Variants in ZMAT1 observed in about 807,000 individuals in gnomAD.
The protein encoded by ZMAT1 is zinc finger matrin-type protein 1.
In ZMAT1, 11 loss-of-function variants were observed where a neutral mutation model predicts 18.5. That is an observed-to-expected ratio of 0.59 (90% CI 0.37 to 0.98). The LOEUF (loss-of-function observed/expected upper bound fraction) is 0.98. Ranked by LOEUF, ZMAT1 falls within the 50% of genes least tolerant of loss-of-function variation. ZMAT1 has a pLI of 0.01. For synonymous variants in ZMAT1, 211 were observed against 176.4 expected (o/e 1.20, Z -1.55); for missense variants, 525 against 496.2 (o/e 1.06, Z -0.55).
intron 1 of ZMAT1, among the ~76,000 whole-genome samples, chrX:101,922,485 C>T (rs1050173981): frequency 1.4e-4 from 15 of 109,327 alleles, no homozygotes; most frequent in African/African-American, 4.3e-4. Context: ...CCTCTGCCTC[C>T]GGGGTTCAAG....
chrX:101,916,700 G>C (rs763157568), intron 1 of ZMAT1, among the ~76,000 whole-genome samples: 2 of 111,537 alleles, frequency 1.8e-5, no homozygotes, highest in South Asian at 7.5e-4. Context: ...AATTTATATG[G>C]AACTACAGAA....
chrX:101,892,250 T>C (rs1927470502), intron 4 of ZMAT1, among the ~76,000 whole-genome samples: 1 of 111,285 alleles, frequency 9.0e-6, no homozygotes, highest in African/African-American at 3.3e-5. Context: ...CATCACTCAG[T>C]AGGCTTTATG....
intron 1 of ZMAT1, among the ~76,000 whole-genome samples, chrX:101,928,856 A>AT (rs201277208): frequency 8.0e-4 from 88 of 109,390 alleles, no homozygotes; most frequent in Admixed American, 3.2e-3. Flanking sequence ...TAAATAAGCA[A>AT]TTTTTTTTTT....
At chrX:101,896,299 C>T (rs1476417091) in intron 4 of ZMAT1, among the ~76,000 whole-genome samples, 1 of 111,889 alleles carries the variant, frequency 8.9e-6, no homozygotes, top group Admixed American at 9.5e-5. Flanking sequence ...AAAATCTATG[C>T]AGTTGTTTAA....
intron 1 of ZMAT1, among the ~76,000 whole-genome samples, chrX:101,909,617 GT>G (rs1255069989): frequency 8.9e-6 from 1 of 112,314 alleles, no homozygotes; most frequent in African/African-American, 3.2e-5. Flanking sequence ...GGGAACACCA[GT>G]GGTAATCTGG....
At chrX:101,900,253 T>G (rs1270179540) in intron 2 of ZMAT1, among the ~76,000 whole-genome samples, 1 of 104,086 alleles carries the variant, frequency 9.6e-6, no homozygotes, top group Non-Finnish European at 2.0e-5. Flanking sequence ...CTGTAGGTTG[T>G]CTGTTTGCTC....
At chrX:101,924,130 G>C (rs1377833679) in intron 1 of ZMAT1, among the ~76,000 whole-genome samples, 1 of 110,075 alleles carries the variant, frequency 9.1e-6, no homozygotes, top group Non-Finnish European at 1.9e-5. Context: ...TTTGTTTTTT[G>C]AGATGAAGTC....
At chrX:101,897,118 C>T (rs1487268806) in intron 4 of ZMAT1, among the ~76,000 whole-genome samples, 4 of 108,927 alleles carry the variant, frequency 3.7e-5, no homozygotes, top group Admixed American at 9.8e-5. Flanking sequence ...GCAAAAAAGA[C>T]GCCAAGGGGA....
Position 101,883,858 on chromosome X carries a change from T to G in ZMAT1, c.1740A>C (p.Ser580=). Residue 580 remains serine (S), a synonymous_variant, in exon 6 of 6, where the codon TCA becomes TCC. Coordinates refer to ENST00000651725, the MANE Select transcript of ZMAT1 (RefSeq NM_001394560.1). ...CTTGATGGTCAGCAGTATTGTTTTC[T>G]GAAGAGAGGTGCTTGTAAACTTCAG... ...VESEVYKHLS[S]ENNTADHQAG... The G allele has an allele frequency of 8.3e-7, 1 of 1,210,526 alleles. No homozygotes were observed.
In ZMAT1 at chrX:101,892,695, A is replaced by G. The variant is rs1360950436; in HGVS notation, c.676+5173T>C. The G allele has an allele frequency of 8.1e-6, 6 of 736,591 alleles. No homozygotes were observed. The African/African-American group carries it at 1.4e-4, about 17-fold the overall frequency. 60.7% of individuals were successfully genotyped at this position (736,591 alleles called of 1,213,427 possible). A position where few individuals can be genotyped will look rare whatever the true frequency, so the allele number is the denominator to read the frequency against. ...AAAACAAATATAATAAATAAAAAAT[A>G]CATACATACTTTAGTTCCATATCGT... On this transcript the variant is annotated intron_variant, in intron 4 of 5. Coordinates refer to ENST00000651725, the MANE Select transcript of ZMAT1 (RefSeq NM_001394560.1).
At position 101,911,995 on chromosome X, in the gene ZMAT1, A is replaced by G. The variant is rs1419955368; in HGVS notation, c.293-7665T>C. On this transcript the variant is annotated intron_variant, in intron 1 of 5. Transcript: ENST00000651725. The stretch of plus-strand genomic sequence containing the variant: ...GGAGGATCCACACAGGAGAGAAGCC[A>G]TATGTGTGCAGGGACTGTGGAAAGG... 5.9e-6 allele frequency: 7 copies of G among 1,190,138 alleles called. No homozygotes were observed. The East Asian group carries it at 1.8e-4, about 30-fold the overall frequency.
chrX:101,925,811 C>T (rs1930019236), intron 1 of ZMAT1, among the ~76,000 whole-genome samples: 1 of 112,447 alleles, frequency 8.9e-6, no homozygotes, highest in African/African-American at 3.2e-5. Flanking sequence ...ACTATTGTCA[C>T]TTTGGGCTGG....
chrX:101,903,722 A>AG (rs1255223767), intron 2 of ZMAT1, among the ~76,000 whole-genome samples: 1 of 111,998 alleles, frequency 8.9e-6, no homozygotes, highest in African/African-American at 3.2e-5. Flanking sequence ...TCAGTTTTCT[A>AG]ATCTATAAAC....
rs755259738 is a variant in ZMAT1 at position 101,931,877 on chromosome X, T to TGCCGCC, written c.126_131dup (p.Ala43_Ala44dup). 5.9e-4 allele frequency: 469 copies of TGCCGCC among 794,327 alleles called. 2 individuals carry two copies. The highest frequency in any genetic ancestry group is 3.4e-3 in the Middle Eastern group (5 of 1,469). 65.5% of individuals were successfully genotyped at this position (794,327 alleles called of 1,213,427 possible). On this transcript the variant is annotated inframe_insertion, in exon 1 of 6. Transcript: ENST00000651725. ...TGGCGGAGGAGGCAGGAACAATTAC[T>TGCCGCC]GCCGCCGCCGCCGCCGCCGCCGCCG...
At chrX:101,898,326 T>C in intron 2 of ZMAT1, 106 bp from the exon 3 acceptor site, 1 of 651,387 alleles carries the variant, frequency 1.5e-6, no homozygotes, top group Middle Eastern at 4.6e-4. Context: ...ATATATTTAG[T>C]CAAACTTGGT....
At position 101,888,267 on chromosome X, in the gene ZMAT1, A is replaced by G. The variant is rs758318341; in HGVS notation, c.677-1536T>C. On this transcript the variant is annotated intron_variant, in intron 4 of 5. Transcript: ENST00000651725. Reference sequence around the variant, plus strand: ...CTTGAAGATTTTGGACTTCTTGCAAAGCTAAGGACTAAACCCAGGAGAGTA... The same window carrying G: ...CTTGAAGATTTTGGACTTCTTGCAAGGCTAAGGACTAAACCCAGGAGAGTA... The G allele has an allele frequency of 9.8e-5, 11 of 111,740 alleles. No individual in the cohort carries two copies. The South Asian group carries it at 4.1e-3, about 42-fold the overall frequency. 9.2% of individuals were successfully genotyped at this position (111,740 alleles called of 1,213,427 possible).
intron 1 of ZMAT1, among the ~76,000 whole-genome samples, chrX:101,918,208 T>G (rs1929464583): frequency 9.0e-6 from 1 of 111,316 alleles, no homozygotes; most frequent in African/African-American, 3.3e-5. Context: ...ATGGATAAAT[T>G]AGGGGATGGA....
At chrX:101,901,566 TC>T (rs1928234770) in intron 2 of ZMAT1, among the ~76,000 whole-genome samples, 1 of 111,789 alleles carries the variant, frequency 8.9e-6, no homozygotes, top group Non-Finnish European at 1.9e-5. Flanking sequence ...GTTGCATTTC[TC>T]TCAAATTTCC....
intron 4 of ZMAT1, among the ~76,000 whole-genome samples, chrX:101,892,122 T>A (rs1488353143): frequency 9.0e-6 from 1 of 110,737 alleles, no homozygotes. Context: ...TTTAAAATTG[T>A]CGCTAAGGGG....
Sources: allele counts gnomAD v4.1 joint callset (sites outside exome capture counted in the v4.1 genomes callset), GRCh38; gene constraint gnomAD v4.1.1; transcripts MANE v1.5; gene names NCBI Gene and HGNC (gene_info 2026-07-23, HGNC 2026-07-21).